The following TEAD2 variants were observed in gnomAD, a reference collection of about 807,000 sequenced individuals.
The protein encoded by TEAD2 is transcriptional enhancer factor TEF-4.
Under a neutral mutation model 61.4 loss-of-function variants are expected in TEAD2, and 51 were observed. That is an observed-to-expected ratio of 0.83 (90% CI 0.66 to 1.05). The LOEUF (loss-of-function observed/expected upper bound fraction) is 1.05. Ranked by LOEUF, TEAD2 falls within the 50% of genes least tolerant of loss-of-function variation. The probability of loss-of-function intolerance (pLI) is 0.00; values close to 1 mark genes in which losing one functional copy is unlikely to be tolerated. For missense variants in TEAD2, 509 were observed against 600.0 expected (o/e 0.85, Z 1.58); for synonymous variants, 244 against 243.2 (o/e 1.00, Z -0.03).
At position 49,343,236 on chromosome 19, in the gene TEAD2, C is replaced by T; in HGVS notation, c.1084G>A (p.Val362Met). ...CTCCACCCCTCCAGCCTCACCTCCACCTTCTCCACCACCTGCTTGCCAAAA... is the reference window on the plus strand; with the variant it reads ...CTCCACCCCTCCAGCCTCACCTCCATCTTCTCCACCACCTGCTTGCCAAAA... ...CSFGKQVVEKVETERAQLEDG... is the reference protein window; with the variant it reads ...CSFGKQVVEKMETERAQLEDG... The change falls in exon 11 of 13, where the codon GTG becomes ATG. Residue 362 changes from valine (V) to methionine (M), a missense_variant. Val to Met is a conservative substitution (Grantham distance 21, BLOSUM62 1). Coordinates refer to ENST00000593945, the MANE Select transcript of TEAD2 (RefSeq NM_001256660.2). 1.2e-6 allele frequency: 2 copies of T among 1,609,830 alleles called. No individual in the cohort carries two copies. The highest frequency in any genetic ancestry group is 1.7e-6 in the Non-Finnish European group (2 of 1,177,798).
intron 4 of TEAD2, chr19:49,356,230 CA>C: frequency 2.7e-6 from 1 of 368,182 alleles, no homozygotes; most frequent in Non-Finnish European, 4.8e-6. Context: ...GTCCAGGAGA[CA>C]GGAAATGAGA....
intron 10 of TEAD2, among the ~76,000 whole-genome samples, chr19:49,346,753 C>T (rs1317909208): frequency 6.6e-6 from 1 of 152,232 alleles, no homozygotes; most frequent in Non-Finnish European, 1.5e-5. Flanking sequence ...TCTCTAGCAA[C>T]AAGGTCTGGT....
chr19:49,348,166 A>G lies in TEAD2; in HGVS notation c.747+537T>C, dbSNP rs112401023. On this transcript the variant is annotated intron_variant, in intron 9 of 12. Coordinates refer to ENST00000593945, the MANE Select transcript of TEAD2 (RefSeq NM_001256660.2). ...AAAATGGAAGGAGCCTGGATCCCCA[A>G]ATCACTTGAGTCCAAGGCTCCTGCT... 7.5e-5 allele frequency among the ~76,000 whole-genome samples: 11 copies of G among 146,508 alleles called. No individual in the cohort carries two copies. The East Asian group carries it at 2.5e-3, about 34-fold the overall frequency.
chr19:49,351,696 G>T (rs1390366221), intron 7 of TEAD2, among the ~76,000 whole-genome samples: 1 of 152,026 alleles, frequency 6.6e-6, no homozygotes, highest in Non-Finnish European at 1.5e-5. Flanking sequence ...AGAAAGAGAA[G>T]AGAAACCAGC....
intron 1 of TEAD2, 45 bp from the exon 2 acceptor site, chr19:49,360,126 TC>T: frequency 6.7e-7 from 1 of 1,493,184 alleles, no homozygotes; most frequent in Non-Finnish European, 9.1e-7. Flanking sequence ...AACCCCACCC[TC>T]AAGGGACTTG....
At chr19:49,348,171 CT>C (rs5828388) in intron 9 of TEAD2, among the ~76,000 whole-genome samples, 24,346 of 152,188 alleles carry the variant, frequency 0.16, 2,677 homozygotes, top group East Asian at 0.38. Flanking sequence ...CCCCAAATCA[CT>C]TGAGTCCAAG....
intron 1 of TEAD2, among the ~76,000 whole-genome samples, chr19:49,362,085 C>T (rs540642456): frequency 1.3e-5 from 2 of 152,312 alleles, no homozygotes; most frequent in East Asian, 3.9e-4. Flanking sequence ...AAAGTGACAC[C>T]GCCGCAGACG....
chr19:49,359,534 C>T lies in TEAD2; in HGVS notation c.233-35G>A, dbSNP rs759070294. ...CAAAGACGGAACAGAGTTAGTTAGA[C>T]TTTCAACAGAACTTCCCCACAGCAT... On this transcript the variant is annotated intron_variant, in intron 2 of 12. Coordinates refer to ENST00000593945, the MANE Select transcript of TEAD2 (RefSeq NM_001256660.2). This position sits in a 1 kb window ranked among gnomAD's most constrained non-coding sequence, Gnocchi z 4.1. 27 of 1,610,998 alleles carry T rather than the reference C, an allele frequency of 1.7e-5. No individual in the cohort carries two copies. In the Admixed American group the frequency reaches 4.2e-4, roughly 25 times the overall value.
Position 49,351,373 on chromosome 19 carries a change from A to G in TEAD2, c.540-8T>C, listed in dbSNP as rs200644918. On this transcript the variant is annotated splice_region_variant and splice_polypyrimidine_tract_variant and intron_variant, in intron 7 of 12. Transcript: ENST00000593945. ...TGTGAGAATGGCTTCACACTGAGGG[A>G]AAAAGGAAGCCAGGGGTTAGCCAGG... 9.4e-6 allele frequency: 15 copies of G among 1,601,792 alleles called. No homozygotes were observed. In the East Asian group the frequency reaches 3.4e-4, roughly 36 times the overall value.
chr19:49,357,624 G>A (rs1204364366), intron 3 of TEAD2: 4 of 490,258 alleles, frequency 8.2e-6, no homozygotes, highest in South Asian at 2.4e-5. Flanking sequence ...GAGAGCACAC[G>A]AACAGACATG....
chr19:49,345,718 AAACATCCAGGC>A (rs1388137628), intron 10 of TEAD2, among the ~76,000 whole-genome samples: 3 of 152,062 alleles, frequency 2.0e-5, no homozygotes, highest in African/African-American at 7.2e-5. Context: ...AGCACCCCCT[AAACATCCAGGC>A]AACATTTATT....
rs552032300 is a variant in TEAD2 at position 49,360,062 on chromosome 19, C to A, written c.14G>T (p.Arg5Leu). The A allele has an allele frequency of 1.2e-5, 19 of 1,605,878 alleles. No individual in the cohort carries two copies. The South Asian group carries it at 2.1e-4, about 18-fold the overall frequency. ...GCCATCGTCCAGGGCGGCCCCAGCC[C>A]GGGGTTCCCCCATCTGGGCCTGGAG... MGEP[R>L]AGAALDDGSG... is the part of the protein sequence containing the mutation. Residue 5 changes from arginine to leucine, a missense_variant, in exon 2 of 13, where the codon CGG becomes CTG. Coordinates refer to ENST00000593945, the MANE Select transcript of TEAD2 (RefSeq NM_001256660.2).
At chr19:49,356,076 C>T (rs1279898130) in intron 4 of TEAD2, 106 bp from the exon 5 acceptor site, 6 of 921,258 alleles carry the variant, frequency 6.5e-6, no homozygotes, top group African/African-American at 3.4e-5. Context: ...CGCACAGCCC[C>T]GCCACCCTGA....
intron 12 of TEAD2, among the ~76,000 whole-genome samples, 195 bp downstream of exon 12, chr19:49,342,243 C>T (rs1331520665): frequency 8.1e-6 from 1 of 123,954 alleles, no homozygotes; most frequent in Non-Finnish European, 1.7e-5. Context: ...GGTGAAGGGT[C>T]CCCTAAACTA....
In TEAD2 at chr19:49,341,621, G is replaced by T. The variant is rs1321913615; in HGVS notation, c.1243-184C>A. On this transcript the variant is annotated intron_variant, in intron 12 of 12. Transcript: ENST00000593945. This position sits in a 1 kb window ranked among gnomAD's most constrained non-coding sequence, Gnocchi z 4.2. ...AAAAGTCAGTTCCCTGGGCAATGGG[G>T]GTTACCCCTCAGCTGAGCGTTGGCA... Among the ~76,000 whole-genome samples, 2 of 152,118 alleles carry T rather than the reference G, an allele frequency of 1.3e-5. No individual in the cohort carries two copies. Among genetic ancestry groups the T allele is most frequent in the Non-Finnish European group, 2.9e-5 (2 of 68,014 alleles).
chr19:49,347,019 C>G (rs979772619), intron 10 of TEAD2, among the ~76,000 whole-genome samples, 171 bp downstream of exon 10: 1 of 152,184 alleles, frequency 6.6e-6, no homozygotes, highest in Non-Finnish European at 1.5e-5. Flanking sequence ...GGGGGCTGGC[C>G]TCCTCGGTGT....
chr19:49,357,416 G>C, intron 3 of TEAD2, 102 bp from the exon 4 acceptor site: 2 of 1,227,400 alleles, frequency 1.6e-6, no homozygotes. Flanking sequence ...GCTGGACCAT[G>C]AAAGGTGAAA....
chr19:49,355,891 G>A, intron 5 of TEAD2, 68 bp downstream of exon 5: 1 of 1,279,128 alleles, frequency 7.8e-7, no homozygotes. Flanking sequence ...ACAGCCCTCT[G>A]CCCCTCCTCA....
chr19:49,347,082 T>C, intron 10 of TEAD2, 108 bp downstream of exon 10: 5 of 1,438,826 alleles, frequency 3.5e-6, no homozygotes, highest in Non-Finnish European at 4.8e-6. Context: ...GACTGGTAAG[T>C]CCCAGGCTGA....
Sources: gnomAD v4.1 joint callset for allele counts (sites outside exome capture counted in the v4.1 genomes callset) on GRCh38, gnomAD v4.1.1 for gene constraint, Gnocchi (gnomAD v3.1) non-coding constraint, MANE v1.5 for transcripts, NCBI Gene and HGNC (gene_info 2026-07-23, HGNC 2026-07-21) for gene names.